Variants in RIN3 observed in about 807,000 individuals in gnomAD.
RIN3 encodes the protein RAB5 interacting protein 3.
Under a neutral mutation model 76.3 loss-of-function variants are expected in RIN3, and 54 were observed. That is an observed-to-expected ratio of 0.71 (90% CI 0.57 to 0.89). The LOEUF (loss-of-function observed/expected upper bound fraction) is 0.89, where lower values mean the gene tolerates loss of function less well. RIN3 is among the 40% of genes least tolerant of loss of function. The pLI is 0.00. For missense variants in RIN3, 1,256 were observed against 1,322.1 expected, an observed-to-expected ratio of 0.95 and a Z score of 0.78; for synonymous variants, 576 against 564.0, an observed-to-expected ratio of 1.02 and a Z score of -0.30.
intron 7 of RIN3, among the ~76,000 whole-genome samples, chr14:92,665,112 G>A (rs1389735862): frequency 3.3e-5 from 5 of 152,230 alleles, no homozygotes; most frequent in Non-Finnish European, 5.9e-5. Context: ...AGATGGCACA[G>A]CCTACTATAC....
chr14:92,641,404 G>C, intron 5 of RIN3, 75 bp downstream of exon 5: 1 of 1,138,334 alleles, frequency 8.8e-7, no homozygotes, highest in African/African-American at 1.5e-5. Flanking sequence ...CCCAGGGGCC[G>C]CCTGTGCAGA....
At chr14:92,548,988 G>A (rs1897348973) in intron 1 of RIN3, among the ~76,000 whole-genome samples, 1 of 151,296 alleles carries the variant, frequency 6.6e-6, no homozygotes, top group Admixed American at 6.6e-5. Context: ...TTGCTGCCCT[G>A]GCTGGCATCA....
intron 2 of RIN3, among the ~76,000 whole-genome samples, chr14:92,558,673 T>G (rs1897668264): frequency 6.6e-6 from 1 of 152,130 alleles, no homozygotes; most frequent in Non-Finnish European, 1.5e-5. Context: ...TACATTGTCA[T>G]GAGAGTTACT....
At chr14:92,561,159 T>TTATATA (rs1555383895) in intron 2 of RIN3, among the ~76,000 whole-genome samples, 1 of 134,792 alleles carries the variant, frequency 7.4e-6, no homozygotes, top group Non-Finnish European at 1.6e-5. Flanking sequence ...ATATATATAT[T>TTATATA]TATATATATA....
chr14:92,571,380 A>G (rs1344278819), intron 2 of RIN3, among the ~76,000 whole-genome samples: 2 of 152,156 alleles, frequency 1.3e-5, no homozygotes, highest in African/African-American at 4.8e-5. Flanking sequence ...GGTCTTCAAT[A>G]TTTACAGGAA....
intron 7 of RIN3, among the ~76,000 whole-genome samples, chr14:92,666,980 G>A (rs907450268): frequency 3.3e-5 from 5 of 152,082 alleles, no homozygotes; most frequent in Non-Finnish European, 7.4e-5. Flanking sequence ...GGTGGGACGT[G>A]GGGGCCAACC....
intron 1 of RIN3, among the ~76,000 whole-genome samples, chr14:92,517,582 G>C (rs59032995): frequency 6.6e-6 from 1 of 152,130 alleles, no homozygotes; most frequent in Non-Finnish European, 1.5e-5. Context: ...TTATCATCTT[G>C]TTATTGGGTA....
At chr14:92,592,545 T>C (rs1165432879) in intron 3 of RIN3, among the ~76,000 whole-genome samples, 1 of 151,848 alleles carries the variant, frequency 6.6e-6, no homozygotes, top group Non-Finnish European at 1.5e-5. Flanking sequence ...ATGCACACCC[T>C]CCTGTATACT....
chr14:92,530,769 C>T (rs952264816), intron 1 of RIN3, among the ~76,000 whole-genome samples: 3 of 152,118 alleles, frequency 2.0e-5, no homozygotes, highest in African/African-American at 7.2e-5. Context: ...TCTACATCCA[C>T]GTGTGCCTGG....
In RIN3 at chr14:92,656,954, C is replaced by T. The variant is rs1887693777; in HGVS notation, c.2027-2207C>T. Among the ~76,000 whole-genome samples the T allele has an allele frequency of 6.6e-6, 1 of 152,192 alleles. No individual in the cohort carries two copies. Among genetic ancestry groups the T allele is most frequent in the Non-Finnish European group, 1.5e-5 (1 of 68,032 alleles). ...CTGGTAGTAGAGCTGGGCTTCAGAC[C>T]CAGGCAGCCCAGCCCTTTCCATGAG... On this transcript the variant is annotated intron_variant, in intron 6 of 9. Transcript: ENST00000216487. The surrounding 1 kb of genome is among the most constrained non-coding windows in gnomAD (Gnocchi z 5.2).
chr14:92,588,431 G>C (rs950825603), intron 3 of RIN3, among the ~76,000 whole-genome samples: 1 of 151,914 alleles, frequency 6.6e-6, no homozygotes, highest in Non-Finnish European at 1.5e-5. Flanking sequence ...TCTCCATGTT[G>C]ATCAGGCTGG....
At position 92,623,490 on chromosome 14, in the gene RIN3, C is replaced by T. The variant is rs1566873064; in HGVS notation, c.440+8011C>T. ...ATTGGAAATAATGATTCAAATCCTGCAGCTACTGGGTCTCGGGCTTTGAAT... is the reference window on the plus strand; with the variant it reads ...ATTGGAAATAATGATTCAAATCCTGTAGCTACTGGGTCTCGGGCTTTGAAT... On this transcript the variant is annotated intron_variant, in intron 4 of 9. Coordinates refer to ENST00000216487, the MANE Select transcript of RIN3 (RefSeq NM_024832.5). This position sits in a 1 kb window ranked among gnomAD's most constrained non-coding sequence, Gnocchi z 4.9. Among the ~76,000 whole-genome samples, 1 of 152,194 alleles carries T rather than the reference C, an allele frequency of 6.6e-6. No individual in the cohort carries two copies. Among genetic ancestry groups the T allele is most frequent in the African/African-American group, 2.4e-5 (1 of 41,440 alleles).
At chr14:92,533,967 A>G (rs1896938714) in intron 1 of RIN3, among the ~76,000 whole-genome samples, 1 of 152,144 alleles carries the variant, frequency 6.6e-6, no homozygotes, top group Non-Finnish European at 1.5e-5. Flanking sequence ...AGGTAAAGAG[A>G]ATTTCCAGCA....
intron 3 of RIN3, among the ~76,000 whole-genome samples, chr14:92,607,478 T>C (rs1260710247): frequency 6.6e-6 from 1 of 152,166 alleles, no homozygotes; most frequent in Non-Finnish European, 1.5e-5. Flanking sequence ...TAGCTGGGTG[T>C]GGTGGTGCAT....
intron 5 of RIN3, among the ~76,000 whole-genome samples, chr14:92,649,703 G>A (rs535299073): frequency 6.6e-6 from 1 of 152,348 alleles, no homozygotes; most frequent in Admixed American, 6.5e-5. Context: ...GGCCCTGGGA[G>A]AGGCCGCTCT....
intron 4 of RIN3, among the ~76,000 whole-genome samples, chr14:92,633,515 C>G (rs1360321546): frequency 6.6e-6 from 1 of 152,198 alleles, no homozygotes; most frequent in Admixed American, 6.5e-5. Context: ...GCCTGGAAAG[C>G]TCTGATATAT....
intron 2 of RIN3, among the ~76,000 whole-genome samples, chr14:92,565,024 G>A (rs1445569968): frequency 6.6e-6 from 1 of 152,206 alleles, no homozygotes; most frequent in African/African-American, 2.4e-5. Context: ...AACCCAGGCA[G>A]CCCCCTGTGA....
chr14:92,621,573 T>A (rs1171706405), intron 4 of RIN3, among the ~76,000 whole-genome samples: 1 of 152,202 alleles, frequency 6.6e-6, no homozygotes, highest in Non-Finnish European at 1.5e-5. Flanking sequence ...AGGCTATAGG[T>A]AAATTTAAAC....
intron 7 of RIN3, among the ~76,000 whole-genome samples, chr14:92,667,516 C>CAA (rs113465136): frequency 2.3e-5 from 3 of 129,718 alleles, no homozygotes; most frequent in Non-Finnish European, 3.3e-5. Flanking sequence ...GACTCCGTCT[C>CAA]AAAAAAAAAA....
Sources: allele counts gnomAD v4.1 joint callset (sites outside exome capture counted in the v4.1 genomes callset), GRCh38; gene constraint gnomAD v4.1.1; non-coding constraint Gnocchi (gnomAD v3.1); transcripts MANE v1.5; gene names NCBI Gene and HGNC (gene_info 2026-07-23, HGNC 2026-07-21).